EFNA5: variants seen among roughly 807,000 people sequenced by gnomAD.
EFNA5 encodes the protein ephrin A5, also known as ephrin-A5.
A neutral mutation model predicts 22.9 loss-of-function variants in EFNA5; 5 were observed. The observed-to-expected ratio is 0.22, with a 90% CI of 0.11 to 0.46. EFNA5 has a LOEUF of 0.46. Ranked by LOEUF, EFNA5 falls within the 20% of genes least tolerant of loss-of-function variation. The pLI, the probability that EFNA5 is intolerant of heterozygous loss-of-function variation, is 0.99. For missense variants in EFNA5, 237 were observed against 293.3 expected, an observed-to-expected ratio of 0.81 and a Z score of 1.40; for synonymous variants, 113 against 112.2, an observed-to-expected ratio of 1.01 and a Z score of -0.04.
chr5:107,641,673 A>G (rs1329051033), intron 1 of EFNA5, among the ~76,000 whole-genome samples: 1 of 152,192 alleles, frequency 6.6e-6, no homozygotes, highest in Non-Finnish European at 1.5e-5. Flanking sequence ...TTTTCTTTTT[A>G]TGACCTAATG....
intron 1 of EFNA5, among the ~76,000 whole-genome samples, chr5:107,554,415 A>G (rs1748364325): frequency 6.6e-6 from 1 of 152,062 alleles, no homozygotes; most frequent in South Asian, 2.1e-4. Context: ...TAAAAGAAGT[A>G]TTACTGCTGG....
chr5:107,405,595 A>G (rs1157828015), intron 2 of EFNA5, among the ~76,000 whole-genome samples: 2 of 152,174 alleles, frequency 1.3e-5, no homozygotes, highest in African/African-American at 4.8e-5. Flanking sequence ...ACTTACTTTA[A>G]CAGACCGAAT....
intron 1 of EFNA5, among the ~76,000 whole-genome samples, chr5:107,573,033 C>T (rs1037836950): frequency 1.3e-5 from 2 of 152,118 alleles, no homozygotes; most frequent in African/African-American, 4.8e-5. Context: ...GTTAAGACAA[C>T]CAAAAAGAAA....
chr5:107,584,712 G>T (rs904665834), intron 1 of EFNA5, among the ~76,000 whole-genome samples: 5 of 152,116 alleles, frequency 3.3e-5, no homozygotes. Context: ...AACTTTTATA[G>T]TTGCTCCTGC....
chr5:107,605,968 A>G (rs2112516303), intron 1 of EFNA5, among the ~76,000 whole-genome samples: 1 of 152,322 alleles, frequency 6.6e-6, no homozygotes, highest in South Asian at 2.1e-4. Flanking sequence ...TTTCCTGTAT[A>G]ATATCACTCA....
intron 1 of EFNA5, among the ~76,000 whole-genome samples, chr5:107,451,727 G>C (rs1290206969): frequency 6.6e-6 from 1 of 152,158 alleles, no homozygotes; most frequent in Non-Finnish European, 1.5e-5. Context: ...GGAAACAATA[G>C]GTACTGGAGA....
At chr5:107,460,168 T>C (rs930175298) in intron 1 of EFNA5, among the ~76,000 whole-genome samples, 11 of 152,130 alleles carry the variant, frequency 7.2e-5, no homozygotes, top group Non-Finnish European at 1.3e-4. Flanking sequence ...TAACAATCTG[T>C]ATTGGAATAA....
intron 2 of EFNA5, among the ~76,000 whole-genome samples, chr5:107,422,027 G>GTCT (rs2112415205): frequency 6.6e-6 from 1 of 152,268 alleles, no homozygotes; most frequent in East Asian, 1.9e-4. Context: ...ACAGCCTCAG[G>GTCT]TGATCCACTT....
chr5:107,469,285 G>T (rs1384145070), intron 1 of EFNA5, among the ~76,000 whole-genome samples: 1 of 152,156 alleles, frequency 6.6e-6, no homozygotes. Context: ...CAGTGGTACA[G>T]ACTTGCCCAT....
At chr5:107,617,223 CACACACACACACACAG>C (rs1749939445) in intron 1 of EFNA5, among the ~76,000 whole-genome samples, 1 of 147,484 alleles carries the variant, frequency 6.8e-6, no homozygotes, top group African/African-American at 2.6e-5. Context: ...CACACACACA[CACACACACACACACAG>C]AGAGAGAGAG....
At chr5:107,637,205 A>G (rs757201072) in intron 1 of EFNA5, among the ~76,000 whole-genome samples, 1 of 151,940 alleles carries the variant, frequency 6.6e-6, no homozygotes, top group African/African-American at 2.4e-5. Context: ...AAATCGTAAT[A>G]TAATTATAAG....
At chr5:107,545,629 G>A (rs1282711983) in intron 1 of EFNA5, among the ~76,000 whole-genome samples, 1 of 152,154 alleles carries the variant, frequency 6.6e-6, no homozygotes, top group Admixed American at 6.6e-5. Context: ...TCAAGAACCT[G>A]CTATGGGAAA....
At chr5:107,403,700 C>A (rs935147481) in intron 2 of EFNA5, among the ~76,000 whole-genome samples, 1 of 152,124 alleles carries the variant, frequency 6.6e-6, no homozygotes, top group Non-Finnish European at 1.5e-5. Context: ...ATATAAATAT[C>A]CCATATTCAG....
chr5:107,620,486 TA>T (rs1750011546), intron 1 of EFNA5, among the ~76,000 whole-genome samples: 1 of 152,208 alleles, frequency 6.6e-6, no homozygotes, highest in African/African-American at 2.4e-5. Flanking sequence ...AAGAGATGGT[TA>T]AAAAATACAT....
At chr5:107,609,463 C>A (rs1202907254) in intron 1 of EFNA5, among the ~76,000 whole-genome samples, 1 of 151,978 alleles carries the variant, frequency 6.6e-6, no homozygotes, top group African/African-American at 2.4e-5. Context: ...TTAACATTAG[C>A]GGCAGGAGTA....
intron 1 of EFNA5, among the ~76,000 whole-genome samples, chr5:107,629,419 T>G (rs532688761): frequency 1.1e-4 from 17 of 152,272 alleles, no homozygotes; most frequent in African/African-American, 3.6e-4. Flanking sequence ...GATACTATAA[T>G]AGTGGAATAC....
chr5:107,505,710 G>A (rs17160071), intron 1 of EFNA5, among the ~76,000 whole-genome samples: 210 of 152,226 alleles, frequency 1.4e-3, no homozygotes, highest in African/African-American at 4.9e-3. Context: ...TACCTCCTAT[G>A]TACACAACAC....
chr5:107,437,056 T>G (rs531131628), intron 1 of EFNA5, among the ~76,000 whole-genome samples: 1 of 152,354 alleles, frequency 6.6e-6, no homozygotes, highest in Admixed American at 6.5e-5. Context: ...TATTATGGGT[T>G]GATGATAACT....
intron 1 of EFNA5, among the ~76,000 whole-genome samples, chr5:107,436,442 A>G (rs1361335195): frequency 6.6e-6 from 1 of 152,220 alleles, no homozygotes; most frequent in East Asian, 1.9e-4. Flanking sequence ...GCAGAGTTCT[A>G]AAGACCTAAC....
Sources: allele counts gnomAD v4.1 joint callset (sites outside exome capture counted in the v4.1 genomes callset), GRCh38; gene constraint gnomAD v4.1.1; transcripts MANE v1.5; gene names NCBI Gene and HGNC (gene_info 2026-07-23, HGNC 2026-07-21).